Variants in BANK1 observed in about 807,000 individuals in gnomAD.
BANK1 encodes the protein B cell scaffold protein with ankyrin repeats 1.
In BANK1, 95 loss-of-function variants were observed where a neutral mutation model predicts 94.5. The observed-to-expected ratio is 1.00, with a 90% confidence interval of 0.85 to 1.19. BANK1 has a LOEUF of 1.19. BANK1 is among the 50% of genes most tolerant of loss of function. The pLI is 0.00. For synonymous variants in BANK1, 334 were observed against 308.4 expected, an observed-to-expected ratio of 1.08 and a Z score of -0.87; for missense variants, 987 against 932.2, an observed-to-expected ratio of 1.06 and a Z score of -0.77.
At chr4:102,021,145 C>A (rs1195815405) in intron 7 of BANK1, among the ~76,000 whole-genome samples, 1 of 86,132 alleles carries the variant, frequency 1.2e-5, no homozygotes, top group Non-Finnish European at 2.4e-5. Flanking sequence ...ATCTTTTGAA[C>A]TGTAAAAGAT....
chr4:101,934,804 T>G lies in BANK1; in HGVS notation c.1206+16615T>G, dbSNP rs150955790. On this transcript the variant is annotated intron_variant, in intron 7 of 16. Coordinates refer to ENST00000322953, the MANE Select transcript of BANK1 (RefSeq NM_017935.5). Reference sequence around the variant, plus strand: ...TAATGCCATTTCAAAACACTTTTACTAGGAGGAATTCTTTTGAATTTCATA... The same window carrying G: ...TAATGCCATTTCAAAACACTTTTACGAGGAGGAATTCTTTTGAATTTCATA... 5.2e-4 allele frequency among the ~76,000 whole-genome samples: 79 copies of G among 151,658 alleles called. 1 individual carries two copies. The East Asian group carries it at 0.012, about 23-fold the overall frequency.
chr4:101,974,273 T>C (rs1275461364), intron 7 of BANK1, among the ~76,000 whole-genome samples: 1 of 152,144 alleles, frequency 6.6e-6, no homozygotes, highest in Non-Finnish European at 1.5e-5. Flanking sequence ...GGGCAGCATT[T>C]AGCTATTAGC....
chr4:102,055,766 T>C (rs1268639999), intron 11 of BANK1, among the ~76,000 whole-genome samples: 1 of 152,128 alleles, frequency 6.6e-6, no homozygotes, highest in Non-Finnish European at 1.5e-5. Flanking sequence ...GATAGAATAA[T>C]GCTATTTTCC....
At chr4:102,032,930 T>C (rs1727372778) in intron 10 of BANK1, among the ~76,000 whole-genome samples, 1 of 151,898 alleles carries the variant, frequency 6.6e-6, no homozygotes, top group Non-Finnish European at 1.5e-5. Flanking sequence ...AATGCCTCAA[T>C]GGAAACTCTA....
chr4:101,934,857 T>G (rs748499507), intron 7 of BANK1, among the ~76,000 whole-genome samples: 12 of 151,568 alleles, frequency 7.9e-5, no homozygotes, highest in Non-Finnish European at 1.5e-4. Context: ...CAATTCTTCA[T>G]TGCACACTTA....
At chr4:101,815,529 C>G (rs1048203843) in intron 1 of BANK1, among the ~76,000 whole-genome samples, 1 of 151,926 alleles carries the variant, frequency 6.6e-6, no homozygotes, top group Non-Finnish European at 1.5e-5. Flanking sequence ...TTAAATTACA[C>G]CAACATCCAC....
intron 13 of BANK1, among the ~76,000 whole-genome samples, chr4:102,064,261 C>CTT (rs1308263242): frequency 3.3e-5 from 5 of 152,048 alleles, no homozygotes; most frequent in African/African-American, 1.2e-4. Context: ...TTCTTAAGCA[C>CTT]TTTAAAATGT....
intron 7 of BANK1, among the ~76,000 whole-genome samples, chr4:101,933,788 C>T (rs1316933346): frequency 2.0e-5 from 3 of 151,486 alleles, no homozygotes; most frequent in African/African-American, 7.2e-5. Flanking sequence ...GGGCAGTAAA[C>T]AGCTCTATTC....
intron 9 of BANK1, among the ~76,000 whole-genome samples, chr4:102,026,526 C>T (rs965546987): frequency 6.6e-6 from 1 of 151,968 alleles, no homozygotes; most frequent in Admixed American, 6.6e-5. Flanking sequence ...TAAATTTTTA[C>T]GCAATGAAAT....
intron 7 of BANK1, among the ~76,000 whole-genome samples, chr4:102,012,927 A>G (rs761446045): frequency 2.6e-5 from 4 of 152,104 alleles, no homozygotes; most frequent in Non-Finnish European, 2.9e-5. Context: ...AAATTCATTC[A>G]TTATTTAGTT....
intron 13 of BANK1, among the ~76,000 whole-genome samples, chr4:102,066,088 T>A (rs1728581762): frequency 6.6e-6 from 1 of 152,084 alleles, no homozygotes; most frequent in Non-Finnish European, 1.5e-5. Context: ...AAACTTAGCA[T>A]AACTGTTAAA....
intron 7 of BANK1, among the ~76,000 whole-genome samples, chr4:101,946,932 T>C (rs1387547162): frequency 6.6e-6 from 1 of 151,912 alleles, no homozygotes; most frequent in Non-Finnish European, 1.5e-5. Context: ...TGCATTTTCT[T>C]TATTTTCTTT....
intron 11 of BANK1, among the ~76,000 whole-genome samples, chr4:102,057,066 C>A (rs184952749): frequency 6.6e-6 from 1 of 152,122 alleles, no homozygotes; most frequent in East Asian, 1.9e-4. Flanking sequence ...ATATATGCAA[C>A]CCTAAAGTTA....
At chr4:101,855,616 TA>T (rs1259747703) in intron 3 of BANK1, among the ~76,000 whole-genome samples, 3 of 152,210 alleles carry the variant, frequency 2.0e-5, no homozygotes, top group Non-Finnish European at 4.4e-5. Context: ...ATTTTGCAAA[TA>T]GATGTACAAT....
intron 7 of BANK1, among the ~76,000 whole-genome samples, chr4:101,998,346 C>T (rs1725950320): frequency 6.6e-6 from 1 of 152,030 alleles, no homozygotes; most frequent in South Asian, 2.1e-4. Flanking sequence ...ATTATGTGAT[C>T]AATTTTAGAA....
chr4:101,910,786 T>A (rs911141536), intron 6 of BANK1, among the ~76,000 whole-genome samples: 2 of 152,014 alleles, frequency 1.3e-5, no homozygotes, highest in Middle Eastern at 3.2e-3. Context: ...ACCATTTTTT[T>A]AAAACCCTCA....
intron 2 of BANK1, among the ~76,000 whole-genome samples, chr4:101,840,684 A>T (rs1163850816): frequency 6.6e-6 from 1 of 152,184 alleles, no homozygotes; most frequent in Non-Finnish European, 1.5e-5. Context: ...AATGCTCATC[A>T]CTGGCTTGCT....
chr4:101,819,849 A>G (rs1394248857), intron 1 of BANK1, among the ~76,000 whole-genome samples: 1 of 152,210 alleles, frequency 6.6e-6, no homozygotes, highest in African/African-American at 2.4e-5. Context: ...AGTAGACGAA[A>G]TCCAGCTGGT....
intron 5 of BANK1, among the ~76,000 whole-genome samples, chr4:101,892,014 T>C (rs1721895516): frequency 6.6e-6 from 1 of 151,954 alleles, no homozygotes; most frequent in South Asian, 2.1e-4. Flanking sequence ...GGCATTTTTA[T>C]TGGTTGTTTC....
Sources: allele counts gnomAD v4.1 joint callset (sites outside exome capture counted in the v4.1 genomes callset), GRCh38; gene constraint gnomAD v4.1.1; transcripts MANE v1.5; gene names NCBI Gene and HGNC (gene_info 2026-07-23, HGNC 2026-07-21).